Variants in ADGRB3 observed in about 807,000 individuals in gnomAD.
ADGRB3 encodes brain-specific angiogenesis inhibitor 3.
ADGRB3 carries 37 observed loss-of-function variants against 193.4 expected under a neutral mutation model. The observed-to-expected ratio is 0.19, with a 90% confidence interval of 0.15 to 0.25. ADGRB3 has a LOEUF of 0.25. Among genes scored for constraint, ADGRB3 ranks in the 10% least tolerant of loss-of-function variants. ADGRB3 has a pLI of 1.00. For missense variants in ADGRB3, 1,637 were observed against 1,852.9 expected, an observed-to-expected ratio of 0.88 and a Z score of 2.14; for synonymous variants, 690 against 644.2, an observed-to-expected ratio of 1.07 and a Z score of -1.08.
At chr6:68,884,087 C>T (rs1476141985) in intron 3 of ADGRB3, among the ~76,000 whole-genome samples, 1 of 152,220 alleles carries the variant, frequency 6.6e-6, no homozygotes, top group Non-Finnish European at 1.5e-5. Flanking sequence ...CTCCTTCTCT[C>T]TCTTGCGAAT....
At chr6:68,946,193 G>A (rs62418267) in intron 6 of ADGRB3, among the ~76,000 whole-genome samples, 1 of 151,850 alleles carries the variant, frequency 6.6e-6, no homozygotes, top group Non-Finnish European at 1.5e-5. Context: ...TAATAACTAG[G>A]ATTTTTTTAA....
At chr6:68,888,964 T>C (rs1353103668) in intron 3 of ADGRB3, among the ~76,000 whole-genome samples, 1 of 152,168 alleles carries the variant, frequency 6.6e-6, no homozygotes, top group Non-Finnish European at 1.5e-5. Context: ...TTGACTCAGA[T>C]GGCTAGAAAG....
Position 69,049,363 on chromosome 6 carries a change from T to A in ADGRB3, c.2333+17T>A. The A allele has an allele frequency of 6.5e-7, 1 of 1,546,894 alleles. No homozygotes were observed. The highest frequency in any genetic ancestry group is 8.9e-7 in the Non-Finnish European group (1 of 1,128,536). ...CACTTTGAGGTAAGCTACAAAGTAATAAACTGTTGTAATTTTGTAAATTAT... is the reference window on the plus strand; with the variant it reads ...CACTTTGAGGTAAGCTACAAAGTAAAAAACTGTTGTAATTTTGTAAATTAT... On this transcript the variant is annotated intron_variant, in intron 15 of 31. Transcript: ENST00000370598.
At chr6:68,713,571 A>AT (rs1446140576) in intron 3 of ADGRB3, among the ~76,000 whole-genome samples, 1 of 151,540 alleles carries the variant, frequency 6.6e-6, no homozygotes, top group African/African-American at 2.4e-5. Context: ...TAACATTTTT[A>AT]TTTGCTTTTC....
chr6:69,195,127 C>G (rs1582535561), intron 17 of ADGRB3, among the ~76,000 whole-genome samples: 1 of 152,056 alleles, frequency 6.6e-6, no homozygotes, highest in African/African-American at 2.4e-5. Context: ...CCACTTGTCA[C>G]TGAATTCATG....
chr6:69,018,292 A>G (rs1582397355), intron 12 of ADGRB3, 99 bp from the exon 13 acceptor site: 1 of 672,798 alleles, frequency 1.5e-6, no homozygotes, highest in East Asian at 2.7e-5. Context: ...AGTGAAACAA[A>G]GCTCATTTGT....
intron 3 of ADGRB3, among the ~76,000 whole-genome samples, chr6:68,672,006 T>C (rs1405488830): frequency 6.6e-6 from 1 of 152,042 alleles, no homozygotes; most frequent in Non-Finnish European, 1.5e-5. Context: ...GTTGTATGCA[T>C]CTAGGAATTT....
At chr6:68,891,487 C>G (rs1345131656) in intron 3 of ADGRB3, among the ~76,000 whole-genome samples, 1 of 152,020 alleles carries the variant, frequency 6.6e-6, no homozygotes, top group Non-Finnish European at 1.5e-5. Context: ...CAAGAATTAA[C>G]TAGGTAAATT....
intron 20 of ADGRB3, among the ~76,000 whole-genome samples, chr6:69,276,158 C>T (rs1252193139): frequency 6.6e-6 from 1 of 152,142 alleles, no homozygotes; most frequent in South Asian, 2.1e-4. Context: ...AGAGGATTCT[C>T]CTGGAATTCT....
intron 17 of ADGRB3, among the ~76,000 whole-genome samples, chr6:69,116,106 T>G (rs2150327606): frequency 6.6e-6 from 1 of 152,328 alleles, no homozygotes; most frequent in Middle Eastern, 3.4e-3. Flanking sequence ...ATTTCTATGT[T>G]ACAGTTGTCA....
intron 17 of ADGRB3, among the ~76,000 whole-genome samples, chr6:69,167,762 G>A (rs1484158309): frequency 6.6e-6 from 1 of 152,140 alleles, no homozygotes; most frequent in Non-Finnish European, 1.5e-5. Context: ...TGCAGAAGCT[G>A]TACCACAGAA....
chr6:68,692,445 T>C lies in ADGRB3; in HGVS notation c.757+53013T>C, dbSNP rs538175135. On this transcript the variant is annotated intron_variant, in intron 3 of 31. Coordinates refer to ENST00000370598, the MANE Select transcript of ADGRB3 (RefSeq NM_001704.3). ...ATCTTGCTCAAAGTATATTTACTCT[T>C]TGATCTTGAACTCTTCCTTTTTATA... Among the ~76,000 whole-genome samples, 27 of 152,034 alleles carry C rather than the reference T, an allele frequency of 1.8e-4. No individual in the cohort carries two copies. In the South Asian group the frequency reaches 5.0e-3, roughly 28 times the overall value.
chr6:69,359,033 C>T (rs751895419), intron 28 of ADGRB3, among the ~76,000 whole-genome samples: 7 of 150,984 alleles, frequency 4.6e-5, no homozygotes, highest in Non-Finnish European at 7.4e-5. Context: ...GTATCTTGTA[C>T]GAATTTAAAT....
intron 3 of ADGRB3, among the ~76,000 whole-genome samples, chr6:68,703,709 G>A (rs774355846): frequency 5.3e-5 from 8 of 152,056 alleles, no homozygotes; most frequent in African/African-American, 9.7e-5. Context: ...TGCAACCTCC[G>A]CCTCCCGGAT....
intron 17 of ADGRB3, among the ~76,000 whole-genome samples, chr6:69,115,433 T>C (rs1030704061): frequency 1.4e-5 from 2 of 147,144 alleles, no homozygotes; most frequent in Non-Finnish European, 3.0e-5. Context: ...CAGCACACCC[T>C]GGGGCCAGAC....
In ADGRB3 at chr6:68,706,283, C is replaced by G. The variant is rs185427476; in HGVS notation, c.757+66851C>G. On this transcript the variant is annotated intron_variant, in intron 3 of 31. Coordinates refer to ENST00000370598, the MANE Select transcript of ADGRB3 (RefSeq NM_001704.3). The stretch of plus-strand genomic sequence containing the variant: ...AGTCACTGCTAAAATTTTGACCCAG[C>G]AATGATGGAGCTGGCTGGGGTGGGG... Among the ~76,000 whole-genome samples the G allele has an allele frequency of 1.4e-4, 21 of 152,180 alleles. No homozygotes were observed. In the East Asian group the frequency reaches 3.9e-3, roughly 28 times the overall value.
In ADGRB3 at chr6:69,048,289, A is replaced by G. The variant is rs769339673; in HGVS notation, c.2212A>G (p.Arg738Gly). Residue 738 changes from arginine (R) to glycine (G), a missense_variant, in exon 14 of 32, where the codon AGG (arginine) becomes GGG (glycine). Transcript: ENST00000370598. ...MVDWARNSED[R>G]VVIPKSIFTP... ...TGACTGGGCAAGAAACTCAGAAGAT[A>G]GGGTAGTAATTCCAAAAAGCATTTT... The G allele has an allele frequency of 2.9e-5, 47 of 1,613,728 alleles. No individual in the cohort carries two copies. The highest frequency in any genetic ancestry group is 3.7e-5 in the Non-Finnish European group (44 of 1,179,746).
chr6:68,699,576 C>T (rs1233849716), intron 3 of ADGRB3, among the ~76,000 whole-genome samples: 2 of 151,896 alleles, frequency 1.3e-5, no homozygotes, highest in Admixed American at 6.6e-5. Flanking sequence ...CTTCTTTTAA[C>T]ATCTGATAGG....
intron 3 of ADGRB3, among the ~76,000 whole-genome samples, chr6:68,650,153 A>G (rs1768327632): frequency 6.6e-6 from 1 of 152,202 alleles, no homozygotes; most frequent in Admixed American, 6.5e-5. Flanking sequence ...TGGTCCTTCC[A>G]TTTAATGTAC....
Sources: allele counts gnomAD v4.1 joint callset (sites outside exome capture counted in the v4.1 genomes callset), GRCh38; gene constraint gnomAD v4.1.1; transcripts MANE v1.5; gene names NCBI Gene and HGNC (gene_info 2026-07-23, HGNC 2026-07-21).